TAF1: variants seen among roughly 807,000 people sequenced by gnomAD.
The protein encoded by TAF1 is TATA-box binding protein associated factor 1, also known as transcription initiation factor TFIID subunit 1.
TAF1 carries 2 observed loss-of-function variants against 138.5 expected under a neutral mutation model. That is an observed-to-expected ratio of 0.01 (90% CI 0.01 to 0.05). The LOEUF (loss-of-function observed/expected upper bound fraction) is 0.05, where lower values mean the gene tolerates loss of function less well. Ranked by LOEUF, TAF1 falls within the 10% of genes least tolerant of loss-of-function variation. The pLI, the probability that TAF1 is intolerant of heterozygous loss-of-function variation, is 1.00. For missense variants in TAF1, 709 were observed against 1,478.0 expected (o/e 0.48, Z 8.53); for synonymous variants, 437 against 503.2 (o/e 0.87, Z 1.76).
chrX:71,417,485 T>G (rs1305720229), intron 28 of TAF1, among the ~76,000 whole-genome samples: 1 of 110,274 alleles, frequency 9.1e-6, no homozygotes, highest in Non-Finnish European at 1.9e-5. Flanking sequence ...GCCTCCCGAG[T>G]AGCTGGGACC....
At chrX:71,520,497 A>G (rs922617009) in intron 13 of TAF1, among the ~76,000 whole-genome samples, 3 of 101,079 alleles carry the variant, frequency 3.0e-5, no homozygotes, top group Non-Finnish European at 6.0e-5. Context: ...CCTGGCCAAC[A>G]TGGTGAAACC....
Position 71,464,458 on chromosome X carries a change from A to G in TAF1, c.*412A>G. On this transcript the variant is annotated 3_prime_UTR_variant, in exon 38 of 38. Transcript: ENST00000423759. Reference sequence around the variant, plus strand: ...GGTGGCTCACACCTGTAATCTCAGCACTCTGGGAGGCCGAGGCGGGCAGAT... The same window carrying G: ...GGTGGCTCACACCTGTAATCTCAGCGCTCTGGGAGGCCGAGGCGGGCAGAT... 3.2e-6 allele frequency: 1 copy of G among 307,737 alleles called. No homozygotes were observed. Among genetic ancestry groups the G allele is most frequent in the Non-Finnish European group, 5.6e-6 (1 of 177,372 alleles). The allele number at this position is 307,737 out of a possible 1,213,427, so 25.4% of individuals were successfully genotyped here. A position where few individuals can be genotyped will look rare whatever the true frequency, so the allele number is the denominator to read the frequency against.
At chrX:71,518,019 G>A (rs1349090322) in intron 13 of TAF1, among the ~76,000 whole-genome samples, 1 of 110,560 alleles carries the variant, frequency 9.0e-6, no homozygotes, top group Non-Finnish European at 1.9e-5. Context: ...GGGAGGCTGA[G>A]GCAGGCAGAT....
rs746299642 is a variant in TAF1 at position 71,379,156 on chromosome X, C to G, written c.1360+125C>G. The G allele has an allele frequency of 8.0e-5, 57 of 708,213 alleles. No individual in the cohort carries two copies. The African/African-American group carries it at 1.4e-3, about 18-fold the overall frequency. The allele number at this position is 708,213 out of a possible 1,213,427, so 58.4% of individuals were successfully genotyped here. On this transcript the variant is annotated intron_variant, in intron 8 of 37. Transcript: ENST00000423759. ...GTGAGACAGAGTTTCGCTCTTGTTG[C>G]CCAGGATGGAGTGCAATGGTGCAGT...
downstream of TAF1, among the ~76,000 whole-genome samples, chrX:71,470,103 C>G (rs1317440841): frequency 8.9e-6 from 1 of 111,784 alleles, no homozygotes; most frequent in Non-Finnish European, 1.9e-5. Flanking sequence ...AAGAACAAAC[C>G]TGGAAGCTAG....
intron 8 of TAF1, among the ~76,000 whole-genome samples, chrX:71,380,625 G>C (rs1021426558): frequency 3.6e-5 from 4 of 111,319 alleles, no homozygotes; most frequent in African/African-American, 1.3e-4. Flanking sequence ...TATCCTATTA[G>C]TGTAAATGAA....
chrX:71,500,186 G>A (rs1249002522), intron 13 of TAF1, among the ~76,000 whole-genome samples: 1 of 111,368 alleles, frequency 9.0e-6, no homozygotes, highest in Non-Finnish European at 1.9e-5. Context: ...CCTGTGGGAT[G>A]TAAATTGCAA....
At chrX:71,380,496 C>T (rs932236188) in intron 8 of TAF1, among the ~76,000 whole-genome samples, 2 of 110,878 alleles carry the variant, frequency 1.8e-5, no homozygotes, top group African/African-American at 6.6e-5. Flanking sequence ...CTCCTGGGCT[C>T]AGGTGATCCT....
At chrX:71,429,136 G>A (rs912632553) in intron 32 of TAF1, among the ~76,000 whole-genome samples, 1 of 110,416 alleles carries the variant, frequency 9.1e-6, no homozygotes, top group Admixed American at 9.7e-5. Flanking sequence ...TTAGCCGGGC[G>A]TGGTGGCGGG....
Position 71,383,073 on chromosome X carries a change from C to A in TAF1, c.1856C>A (p.Pro619Gln). ...ATCAAACTCCGGCAGTTCCATCGCC[C>A]ACCTCTGAAAAAGTACTCATTTGGT... Reference protein sequence around the residue: ...GPIKLRQFHRPPLKKYSFGAL... With the variant: ...GPIKLRQFHRQPLKKYSFGAL... The change falls in exon 12 of 38, where the codon CCA becomes CAA. Residue 619 changes from proline to glutamine, a missense_variant. Physicochemically the swap from Pro to Gln is moderately conservative, Grantham distance 76 (BLOSUM62 -1). Transcript: ENST00000423759. 1 of 1,211,376 alleles carries A rather than the reference C, an allele frequency of 8.3e-7. No individual in the cohort carries two copies. The highest frequency in any genetic ancestry group is 1.8e-5 in the South Asian group (1 of 56,961).
intron 20 of TAF1, 40 bp downstream of exon 20, chrX:71,393,034 T>C: frequency 8.3e-7 from 1 of 1,202,530 alleles, no homozygotes. Context: ...TACTAGGGGC[T>C]TTGTATAGAG....
chrX:71,368,071 G>C lies in TAF1; in HGVS notation c.253G>C (p.Glu85Gln). ...TTTCATAGGGTGGGTTAGGAGTACA[G>C]AAGATGCTGTGGACTATTCAGACAT... ...VNDEGWVRST[E>Q]DAVDYSDINE... The change falls in exon 3 of 38, where the codon GAA becomes CAA. Residue 85 changes from glutamate to glutamine, a missense_variant. Around this residue, in one of 14 missense-constraint regions of TAF1, gnomAD observed 123 missense variants for 161.6 expected, o/e 0.76. Coordinates refer to ENST00000423759, the MANE Select transcript of TAF1 (RefSeq NM_004606.5). The C allele has an allele frequency of 8.3e-7, 1 of 1,211,963 alleles. No individual in the cohort carries two copies. The highest frequency in any genetic ancestry group is 1.1e-6 in the Non-Finnish European group (1 of 895,472).
intron 13 of TAF1, among the ~76,000 whole-genome samples, chrX:71,502,293 C>T (rs776341447): frequency 7.3e-5 from 8 of 109,639 alleles, no homozygotes; most frequent in East Asian, 2.9e-4. Flanking sequence ...AGACACAGAG[C>T]GCTGATTGGT....
intron 8 of TAF1, among the ~76,000 whole-genome samples, chrX:71,380,685 G>T (rs1353720047): frequency 8.9e-6 from 1 of 111,846 alleles, no homozygotes; most frequent in Non-Finnish European, 1.9e-5. Flanking sequence ...TTATATTTTG[G>T]AGGAAAAACA....
rs1029255826 is a variant in TAF1 at position 71,378,387 on chromosome X, G to A, written c.1086G>A (p.Gly362=). 4 of 1,210,556 alleles carry A rather than the reference G, an allele frequency of 3.3e-6. No individual in the cohort carries two copies. The highest frequency in any genetic ancestry group is 4.5e-6 in the Non-Finnish European group (4 of 895,414). ...DMLGVPEDGS[G]FDYGFKLRKT... is the part of the protein sequence containing the mutation. ...TGGGTGTCCCTGAAGATGGCAGTGG[G>A]TTTGACTATGGCTTCAAACTGAGAA... Residue 362 remains glycine, a synonymous_variant, in exon 7 of 38, where the codon GGG becomes GGA. Transcript: ENST00000423759.
At chrX:71,452,517 A>G (rs761244621) in intron 32 of TAF1, among the ~76,000 whole-genome samples, 5 of 102,422 alleles carry the variant, frequency 4.9e-5, no homozygotes, top group South Asian at 4.3e-4. Context: ...GCCGGGAAGA[A>G]GCGCTCCTCA....
downstream of TAF1, among the ~76,000 whole-genome samples, chrX:71,468,445 T>C (rs1038924327): frequency 9.1e-6 from 1 of 109,603 alleles, no homozygotes; most frequent in Non-Finnish European, 1.9e-5. Context: ...CCCAGCACTT[T>C]GGGAGGCTGG....
chrX:71,388,647 G>A lies in TAF1; in HGVS notation c.2570-91G>A, dbSNP rs769840704. ...GCCAACTGTGGCTAGGCCTGTTACA[G>A]TTTTGGTTTGCTGTCCCTGTTGCTG... On this transcript the variant is annotated intron_variant, in intron 16 of 37. Transcript: ENST00000423759. 6.1e-6 allele frequency: 7 copies of A among 1,145,841 alleles called. No individual in the cohort carries two copies. The Admixed American group carries it at 1.1e-4, about 19-fold the overall frequency. 94.4% of individuals were successfully genotyped at this position (1,145,841 alleles called of 1,213,427 possible).
chrX:71,413,523 T>G (rs1012870493), intron 28 of TAF1, among the ~76,000 whole-genome samples: 2 of 112,188 alleles, frequency 1.8e-5, no homozygotes, highest in African/African-American at 6.5e-5. Flanking sequence ...TTTTTCCTCC[T>G]TGATACTGTC....
Sources: allele counts gnomAD v4.1 joint callset (sites outside exome capture counted in the v4.1 genomes callset), GRCh38; gene constraint gnomAD v4.1.1; regional missense constraint gnomAD v4.1.1; transcripts MANE v1.5; gene names NCBI Gene and HGNC (gene_info 2026-07-23, HGNC 2026-07-21).